Variants in TENM1 observed in about 807,000 individuals in gnomAD.
TENM1 encodes teneurin transmembrane protein 1.
A neutral mutation model predicts 174.8 loss-of-function variants in TENM1; 35 were observed. The ratio of observed to expected loss-of-function variants is 0.20; its 90% confidence interval spans 0.15 to 0.27. The LOEUF (loss-of-function observed/expected upper bound fraction) is 0.27. Ranked by LOEUF, TENM1 falls within the 10% of genes least tolerant of loss-of-function variation. The pLI, the probability that TENM1 is intolerant of heterozygous loss-of-function variation, is 1.00. For missense variants in TENM1, 1,633 were observed against 2,130.1 expected (o/e 0.77, Z 4.59); for synonymous variants, 781 against 798.7 (o/e 0.98, Z 0.37).
At chrX:124,817,742 G>A (rs1446961734) in intron 3 of TENM1, among the ~76,000 whole-genome samples, 5 of 111,763 alleles carry the variant, frequency 4.5e-5, no homozygotes, top group South Asian at 7.5e-4. Context: ...CATAAAATAT[G>A]TACAAGGGAA....
chrX:124,788,141 A>G (rs2055086569), intron 3 of TENM1, among the ~76,000 whole-genome samples: 1 of 111,556 alleles, frequency 9.0e-6, no homozygotes, highest in Admixed American at 9.5e-5. Context: ...GGTCCTTCCC[A>G]CAACACGTGG....
chrX:124,849,920 C>T (rs2056686108), intron 3 of TENM1, among the ~76,000 whole-genome samples: 1 of 111,830 alleles, frequency 8.9e-6, no homozygotes, highest in Admixed American at 9.5e-5. Flanking sequence ...GACACCTGAA[C>T]TCTATAAATC....
chrX:125,051,671 T>C, the TENM1 span, among the ~76,000 whole-genome samples: 10 of 103,601 alleles, frequency 9.7e-5, no homozygotes, highest in Non-Finnish European at 2.0e-4. Context: ...ATCCCTTCCT[T>C]ACACCTTATA....
At chrX:125,125,675 T>C in the TENM1 span, among the ~76,000 whole-genome samples, 50 of 112,086 alleles carry the variant, frequency 4.5e-4, no homozygotes, top group African/African-American at 1.3e-3. Flanking sequence ...GTTCTAGTTA[T>C]TTCCATGTCT....
intron 14 of TENM1, among the ~76,000 whole-genome samples, chrX:124,549,710 A>G (rs1289707356): frequency 9.0e-6 from 1 of 110,946 alleles, no homozygotes; most frequent in East Asian, 2.8e-4. Flanking sequence ...TGTTGAGTCT[A>G]GAAAGACCTC....
chrX:124,914,635 G>C (rs148241625), intron 1 of TENM1, among the ~76,000 whole-genome samples: 261 of 110,543 alleles, frequency 2.4e-3, no homozygotes, highest in Middle Eastern at 0.019. Context: ...CCATTCATTT[G>C]CACAGGCCAG....
At chrX:124,718,866 C>G (rs1053849914) in intron 4 of TENM1, among the ~76,000 whole-genome samples, 1 of 111,899 alleles carries the variant, frequency 8.9e-6, no homozygotes, top group African/African-American at 3.2e-5. Context: ...TGTTTCTCAA[C>G]AGGGGACCAA....
Position 124,751,346 on chromosome X carries a change from T to C in TENM1, c.536-14149A>G, listed in dbSNP as rs191142498. Among the ~76,000 whole-genome samples, 382 of 111,857 alleles carry C rather than the reference T, an allele frequency of 3.4e-3. 4 individuals carry two copies. The highest frequency in any genetic ancestry group is 0.01 in the African/African-American group (320 of 30,778). The stretch of plus-strand genomic sequence containing the variant: ...GAATTATCTTAAACTATGAGTCACA[T>C]GTAGGGATTTTCCTTCTCTAAATAC... On this transcript the variant is annotated intron_variant, in intron 3 of 31. Coordinates refer to ENST00000422452, the Ensembl canonical transcript of TENM1.
At position 124,579,672 on chromosome X, in the gene TENM1, G is replaced by A. The variant is rs139336250; in HGVS notation, c.2078-14112C>T. Among the ~76,000 whole-genome samples the A allele has an allele frequency of 6.8e-3, 767 of 112,064 alleles. 7 individuals are homozygous for A. The highest frequency in any genetic ancestry group is 0.024 in the African/African-American group (727 of 30,862). On this transcript the variant is annotated intron_variant, in intron 11 of 31. Coordinates refer to ENST00000422452, the Ensembl canonical transcript of TENM1. ...ACTATATTGTAAGTTGATGAAGGCA[G>A]GAACTAGGTCTTAATCCTTTTTTTC...
intron 5 of TENM1, among the ~76,000 whole-genome samples, chrX:124,701,340 G>A (rs1029980690): frequency 1.7e-4 from 19 of 111,575 alleles, no homozygotes; most frequent in African/African-American, 5.5e-4. Flanking sequence ...CCATGTATGT[G>A]AGATTCTGTA....
chrX:124,536,538 A>T (rs2048209877), intron 15 of TENM1, among the ~76,000 whole-genome samples: 1 of 111,067 alleles, frequency 9.0e-6, no homozygotes, highest in Non-Finnish European at 1.9e-5. Flanking sequence ...GGGGGCACTC[A>T]CCCTGAGGTA....
chrX:124,487,131 T>A, intron 21 of TENM1, 78 bp downstream of exon 24: 2 of 975,884 alleles, frequency 2.0e-6, no homozygotes, highest in Admixed American at 5.7e-5. Context: ...AAGAAAAATT[T>A]CCCTATTAAC....
chrX:124,809,212 A>C (rs1286811567), intron 3 of TENM1, among the ~76,000 whole-genome samples: 2 of 111,810 alleles, frequency 1.8e-5, no homozygotes, highest in African/African-American at 6.5e-5. Flanking sequence ...AAACGGATAC[A>C]CTTTTTGATA....
the TENM1 span, among the ~76,000 whole-genome samples, chrX:124,975,739 C>A: frequency 2.7e-5 from 3 of 111,483 alleles, no homozygotes; most frequent in African/African-American, 9.8e-5. Flanking sequence ...AGATACACAC[C>A]CTTTAGTGAC....
intron 5 of TENM1, among the ~76,000 whole-genome samples, chrX:124,675,452 G>A (rs2148442613): frequency 9.0e-6 from 1 of 110,987 alleles, no homozygotes; most frequent in South Asian, 3.8e-4. Flanking sequence ...ACACTGTTTA[G>A]GTGAGTCCCC....
rs781108447 is a variant in TENM1, at chrX:124,765,206, C to T, written c.536-28009G>A. On this transcript the variant is annotated intron_variant, in intron 3 of 31. Coordinates refer to ENST00000422452, the Ensembl canonical transcript of TENM1. ...AGCAGAACCCTGGATTGAAAATTCACAAACTCCTGCTGCTGAAATTTCTAG... is the reference window on the plus strand; with the variant it reads ...AGCAGAACCCTGGATTGAAAATTCATAAACTCCTGCTGCTGAAATTTCTAG... Among the ~76,000 whole-genome samples the T allele has an allele frequency of 6.3e-5, 7 of 111,875 alleles. No homozygotes were observed. In the South Asian group the frequency reaches 2.2e-3, roughly 35 times the overall value.
At chrX:124,812,008 A>G (rs895843171) in intron 3 of TENM1, among the ~76,000 whole-genome samples, 1 of 111,409 alleles carries the variant, frequency 9.0e-6, no homozygotes, top group Admixed American at 9.5e-5. Context: ...TGAAAATTGT[A>G]TTTTCTGAGC....
At chrX:124,881,126 C>G (rs997917002) in intron 3 of TENM1, among the ~76,000 whole-genome samples, 1 of 111,545 alleles carries the variant, frequency 9.0e-6, no homozygotes, top group East Asian at 2.8e-4. Flanking sequence ...TTAGAAGGTT[C>G]GGTAAAAATT....
In TENM1 at chrX:124,601,391, C is replaced by T. The variant is rs1007574925; in HGVS notation, c.2078-35831G>A. 4.0e-4 allele frequency among the ~76,000 whole-genome samples: 44 copies of T among 110,297 alleles called. 1 individual carries two copies. The highest frequency in any genetic ancestry group is 1.3e-4 in the Non-Finnish European group (7 of 52,698). On this transcript the variant is annotated intron_variant, in intron 11 of 31. Transcript: ENST00000422452. ...GGGACTGACCTTTCACAGGACTCTT[C>T]GAGGACTGTAATGGGAGGAAGAAAG...
Sources: gnomAD v4.1 joint callset for allele counts (sites outside exome capture counted in the v4.1 genomes callset) on GRCh38, gnomAD v4.1.1 for gene constraint, MANE v1.5 for transcripts, NCBI Gene and HGNC (gene_info 2026-07-23, HGNC 2026-07-21) for gene names.